The following TMC3 variants were observed in gnomAD, a reference collection of about 807,000 sequenced individuals.
TMC3 encodes transmembrane channel like 3.
In TMC3, 98 loss-of-function variants were observed where a neutral mutation model predicts 110.6. The ratio of observed to expected loss-of-function variants is 0.89; its 90% CI spans 0.75 to 1.05. The LOEUF (loss-of-function observed/expected upper bound fraction) is 1.05. Ranked by LOEUF, TMC3 falls within the 50% of genes least tolerant of loss-of-function variation. The pLI is 0.00. For synonymous variants in TMC3, 489 were observed against 513.1 expected (o/e 0.95, Z 0.63); for missense variants, 1,319 against 1,373.2 (o/e 0.96, Z 0.62).
intron 19 of TMC3, 76 bp from the exon 20 acceptor site, chr15:81,336,727 GA>G: frequency 1.4e-6 from 2 of 1,463,188 alleles, no homozygotes. Context: ...TGGGGGAAGA[GA>G]AAAAGATTTA....
rs1893715567 is a variant in TMC3 at position 81,341,516 on chromosome 15, A to G, written c.1718T>C (p.Met573Thr). 1 of 1,609,560 alleles carries G rather than the reference A, an allele frequency of 6.2e-7. No homozygotes were observed. Among genetic ancestry groups the G allele is most frequent in the African/African-American group, 1.3e-5 (1 of 74,972 alleles). Reference protein sequence around the residue: ...HLVYNQGMIWMGAFFSPCLPA... With the variant: ...HLVYNQGMIWTGAFFSPCLPA... ...GAGACATGGGGAGAAGAAGGCCCCC[A>G]TCCTGGAACCATGAGGAAGGTCAGT... The change falls in exon 16 of 22, where the codon ATG (methionine) becomes ACG (threonine). Residue 573 changes from methionine to threonine, a missense_variant and splice_region_variant. Met to Thr is a moderately conservative substitution (Grantham distance 81, BLOSUM62 -1). Coordinates refer to ENST00000359440, the MANE Select transcript of TMC3 (RefSeq NM_001080532.3).
At chr15:81,349,777 T>TTTTG (rs1893905025) in intron 10 of TMC3, among the ~76,000 whole-genome samples, 1 of 150,290 alleles carries the variant, frequency 6.7e-6, no homozygotes. Flanking sequence ...TTTTTTTTTT[T>TTTTG]GAACTCTCCT....
intron 2 of TMC3, among the ~76,000 whole-genome samples, chr15:81,370,861 G>A (rs965943903): frequency 1.3e-5 from 2 of 151,936 alleles, no homozygotes; most frequent in Non-Finnish European, 2.9e-5. Flanking sequence ...TTTTAATAGA[G>A]ACAGGGTTTC....
rs76902501 is a variant in TMC3 at position 81,372,680 on chromosome 15, T to A, written c.147A>T (p.Gln49His). The change falls in exon 2 of 22, where the codon CAA becomes CAT. Residue 49 changes from glutamine (Q) to histidine (H), a missense_variant. By Grantham distance (24) the Gln-to-His change is conservative. Transcript: ENST00000359440. ...TCTGGAACTGTATATTCTGGAAGAT[T>A]TGTTCCGGATCATTGCTGTCCCCTG... ...DETGDSNDPE[Q>H]IFQNIQFQKD... 75,469 of 1,613,912 alleles carry A rather than the reference T, an allele frequency of 0.047. 2,043 individuals carry two copies. The highest frequency in any genetic ancestry group is 0.09 in the East Asian group (4,033 of 44,882).
Position 81,337,974 on chromosome 15 carries a change from G to A in TMC3, c.2082-50C>T, listed in dbSNP as rs560028319. On this transcript the variant is annotated intron_variant, in intron 18 of 21. Coordinates refer to ENST00000359440, the MANE Select transcript of TMC3 (RefSeq NM_001080532.3). The stretch of plus-strand genomic sequence containing the variant: ...TGAGTGGACTGCAACTCGCTTTTCT[G>A]CTTTTCAGACCACATTCCCTGCAGA... 4.2e-6 allele frequency: 6 copies of A among 1,445,166 alleles called. No individual in the cohort carries two copies. In the Admixed American group the frequency reaches 5.0e-5, roughly 12 times the overall value. 89.5% of individuals were successfully genotyped at this position (1,445,166 alleles called of 1,614,324 possible). A position where few individuals can be genotyped will look rare whatever the true frequency, so the allele number is the denominator to read the frequency against.
In TMC3 at chr15:81,374,079, G is replaced by A; in HGVS notation, c.-2C>T. 1 of 1,613,406 alleles carries A rather than the reference G, an allele frequency of 6.2e-7. No homozygotes were observed. The highest frequency in any genetic ancestry group is 8.5e-7 in the Non-Finnish European group (1 of 1,179,698). On this transcript the variant is annotated 5_prime_UTR_variant, in exon 1 of 22. Coordinates refer to ENST00000359440, the MANE Select transcript of TMC3 (RefSeq NM_001080532.3). ...CTGGGATGCCTTCGAGGTTTTCATG[G>A]GAGCTAACCCACTGCTAACAATCAG...
chr15:81,361,290 T>TA (rs1894182678), intron 4 of TMC3, among the ~76,000 whole-genome samples: 2 of 152,194 alleles, frequency 1.3e-5, no homozygotes, highest in Non-Finnish European at 2.9e-5. Context: ...GTGAAGGAGT[T>TA]AAACTTACTC....
chr15:81,353,975 C>T (rs1419760499), intron 9 of TMC3, among the ~76,000 whole-genome samples: 1 of 152,196 alleles, frequency 6.6e-6, no homozygotes, highest in Non-Finnish European at 1.5e-5. Flanking sequence ...ACACAGGGCT[C>T]ATCTCTTTCC....
At chr15:81,353,217 G>A (rs1336708783) in intron 9 of TMC3, among the ~76,000 whole-genome samples, 1 of 151,430 alleles carries the variant, frequency 6.6e-6, no homozygotes, top group Admixed American at 6.6e-5. Flanking sequence ...TTTTTGTACA[G>A]CTGTACAATG....
Position 81,343,960 on chromosome 15 carries a change from C to T in TMC3, c.1604G>A (p.Arg535Gln), listed in dbSNP as rs369492533. The T allele has an allele frequency of 2.0e-5, 33 of 1,612,988 alleles. No individual in the cohort carries two copies. The highest frequency in any genetic ancestry group is 2.7e-5 in the African/African-American group (2 of 74,910). ...CCAACACCAGTAGTCACTTAAGTAC[C>T]GCACGAAAAGTCCTCGGAAGAAGTC... The part of the protein sequence containing the change: ...LIDFFRGLFV[R>Q]YLSDYWCWDL... The change falls in exon 14 of 22, where the codon CGG (arginine) becomes CAG (glutamine). Residue 535 changes from arginine to glutamine, a missense_variant. Physicochemically the swap from Arg to Gln is conservative, Grantham distance 43. Coordinates refer to ENST00000359440, the MANE Select transcript of TMC3 (RefSeq NM_001080532.3).
chr15:81,344,188 G>C lies in TMC3; in HGVS notation c.1519-143C>G, dbSNP rs1596082577. On this transcript the variant is annotated intron_variant, in intron 13 of 21. Coordinates refer to ENST00000359440, the MANE Select transcript of TMC3 (RefSeq NM_001080532.3). Reference sequence around the variant, plus strand: ...AATGGCATCTTCATTTCTCATCTTTGTAAGTTGCAGTGGGCAGAGGACTGG... The same window carrying C: ...AATGGCATCTTCATTTCTCATCTTTCTAAGTTGCAGTGGGCAGAGGACTGG... 3.8e-6 allele frequency: 3 copies of C among 785,506 alleles called. No individual in the cohort carries two copies. In the South Asian group the frequency reaches 5.6e-5, roughly 15 times the overall value. The allele number at this position is 785,506 out of a possible 1,614,324, so 48.7% of individuals were successfully genotyped here.
chr15:81,362,161 G>A (rs1243420610), intron 4 of TMC3, 59 bp downstream of exon 4: 49 of 1,438,456 alleles, frequency 3.4e-5, no homozygotes, highest in Non-Finnish European at 4.6e-5. Context: ...ACTCTCCTTA[G>A]GCTGTGACTG....
chr15:81,364,057 A>G (rs1894250541), intron 3 of TMC3, among the ~76,000 whole-genome samples: 1 of 152,152 alleles, frequency 6.6e-6, no homozygotes, highest in Non-Finnish European at 1.5e-5. Context: ...AAGAAGTAAG[A>G]TTTGATTAGT....
chr15:81,362,966 T>C (rs370359973), intron 3 of TMC3, among the ~76,000 whole-genome samples: 1 of 152,208 alleles, frequency 6.6e-6, no homozygotes, highest in South Asian at 2.1e-4. Context: ...AAAATTTGTC[T>C]TGTATTTTTG....
intron 2 of TMC3, 43 bp from the exon 3 acceptor site, chr15:81,368,371 C>T (rs1894363338): frequency 6.7e-7 from 1 of 1,481,966 alleles, no homozygotes. Flanking sequence ...TTGTATCACA[C>T]TTACAATTTC....
chr15:81,340,894 C>T (rs1893699817), intron 16 of TMC3, among the ~76,000 whole-genome samples: 1 of 152,220 alleles, frequency 6.6e-6, no homozygotes, highest in African/African-American at 2.4e-5. Flanking sequence ...AGTTGAATCT[C>T]ACAAACACAA....
Position 81,343,376 on chromosome 15 carries a change from C to T in TMC3, c.1648-31G>A, listed in dbSNP as rs781475695. 7 of 1,503,960 alleles carry T rather than the reference C, an allele frequency of 4.7e-6. No individual in the cohort carries two copies. In the Admixed American group the frequency reaches 8.4e-5, roughly 18 times the overall value. The allele number at this position is 1,503,960 out of a possible 1,614,324, so 93.2% of individuals were successfully genotyped here. A position where few individuals can be genotyped will look rare whatever the true frequency, so the allele number is the denominator to read the frequency against. On this transcript the variant is annotated intron_variant, in intron 14 of 21. Transcript: ENST00000359440. ...AGAGAAAATAAACTTGTGCATTAAACAAGTTCCAAAGTTCTTTGCATGAAC... is the reference window on the plus strand; with the variant it reads ...AGAGAAAATAAACTTGTGCATTAAATAAGTTCCAAAGTTCTTTGCATGAAC...
At position 81,372,755 on chromosome 15, in the gene TMC3, T is replaced by C. The variant is rs937271424; in HGVS notation, c.90-18A>G. On this transcript the variant is annotated intron_variant, in intron 1 of 21. Transcript: ENST00000359440. ...CCAAGTTGCTGAATGATCAGGGCAT[T>C]AAGGAGGAAATCTGATTAGAAGAAT... 1 of 1,612,924 alleles carries C rather than the reference T, an allele frequency of 6.2e-7. No individual in the cohort carries two copies. The highest frequency in any genetic ancestry group is 8.5e-7 in the Non-Finnish European group (1 of 1,179,252).
chr15:81,356,011 T>C (rs1046649133), intron 8 of TMC3, among the ~76,000 whole-genome samples: 3 of 152,198 alleles, frequency 2.0e-5, no homozygotes, highest in Admixed American at 6.5e-5. Context: ...AGATTTTTTT[T>C]CTCAAAATAG....
Sources: gnomAD v4.1 joint callset for allele counts (sites outside exome capture counted in the v4.1 genomes callset) on GRCh38, gnomAD v4.1.1 for gene constraint, MANE v1.5 for transcripts, NCBI Gene and HGNC (gene_info 2026-07-23, HGNC 2026-07-21) for gene names.